The following TFEC variants were observed in gnomAD, a reference collection of about 807,000 sequenced individuals.
The protein encoded by TFEC is class E basic helix-loop-helix protein 34.
TFEC carries 31 observed loss-of-function variants against 41.6 expected under a neutral mutation model. The ratio of observed to expected loss-of-function variants is 0.74; its 90% CI spans 0.56 to 1.01. TFEC has a LOEUF of 1.01. TFEC is among the 50% of genes least tolerant of loss of function. The pLI is 0.00. For missense variants in TFEC, 402 were observed against 404.1 expected (o/e 0.99, Z 0.04); for synonymous variants, 143 against 140.6 (o/e 1.02, Z -0.12).
rs565333422 is a variant in TFEC, at chr7:116,052,717, G to A, written c.198+57991C>T. Among the ~76,000 whole-genome samples the A allele has an allele frequency of 3.3e-5, 5 of 150,292 alleles. No homozygotes were observed. The South Asian group carries it at 6.6e-4, about 20-fold the overall frequency. On this transcript the variant is annotated intron_variant, in intron 3 of 8. Coordinates refer to the TFEC transcript ENST00000484212. ...GCTGGGATTACAGGCATGAGCCACC[G>A]TGCCCAGCAACATCTAAGTATTTAA... is the stretch of plus-strand genomic sequence containing the variant.
intron 3 of TFEC, among the ~76,000 whole-genome samples, chr7:116,087,113 G>A (rs1017061806): frequency 6.6e-6 from 1 of 151,920 alleles, no homozygotes; most frequent in South Asian, 2.1e-4. Flanking sequence ...TAGAGATCAG[G>A]GGAGGGACAA....
intron 1 of TFEC, among the ~76,000 whole-genome samples, chr7:115,989,680 C>T (rs1228324606): frequency 1.3e-5 from 2 of 152,306 alleles, no homozygotes; most frequent in Middle Eastern, 3.4e-3. Context: ...TGGGGAGGGC[C>T]GTCCACCATT....
chr7:116,158,796 A>G (rs1324436385), intron 1 of TFEC, among the ~76,000 whole-genome samples: 1 of 152,104 alleles, frequency 6.6e-6, no homozygotes, highest in Non-Finnish European at 1.5e-5. Flanking sequence ...GTAGTATTTC[A>G]CAAATCCTAA....
chr7:115,967,574 T>A, intron 3 of TFEC, among the ~76,000 whole-genome samples: 1 of 151,944 alleles, frequency 6.6e-6, no homozygotes, highest in East Asian at 1.9e-4. Context: ...TCTTTGCTAC[T>A]AAAGCAGAGG....
At chr7:116,150,267 C>T (rs552780847) in intron 1 of TFEC, among the ~76,000 whole-genome samples, 4 of 152,234 alleles carry the variant, frequency 2.6e-5, no homozygotes, top group African/African-American at 9.6e-5. Context: ...TCTGTTTAAG[C>T]TCCTCTTCTT....
intron 1 of TFEC, among the ~76,000 whole-genome samples, chr7:116,132,188 T>C (rs1798346249): frequency 6.6e-6 from 1 of 152,208 alleles, no homozygotes; most frequent in African/African-American, 2.4e-5. Flanking sequence ...TGCATAAAGT[T>C]GGCCTATAAG....
chr7:116,099,248 C>T (rs948744367), intron 3 of TFEC, among the ~76,000 whole-genome samples: 7 of 152,188 alleles, frequency 4.6e-5, no homozygotes, highest in African/African-American at 1.4e-4. Flanking sequence ...ACATTTTCTA[C>T]ACAGTTCTCT....
rs569366372 is a variant in TFEC at position 116,024,076 on chromosome 7, C to T, written c.-73+6557G>A. Among the ~76,000 whole-genome samples, 10 of 152,240 alleles carry T rather than the reference C, an allele frequency of 6.6e-5. No homozygotes were observed. In the South Asian group the frequency reaches 1.7e-3, roughly 25 times the overall value. On this transcript the variant is annotated intron_variant, in intron 1 of 7. Transcript: ENST00000265440. ...GTCACTGGTTATCCATCTACTGCTT[C>T]GACATTAATGAGTCCCTTCACTTTG...
At chr7:116,099,887 T>C (rs1222911024) in intron 3 of TFEC, among the ~76,000 whole-genome samples, 1 of 152,180 alleles carries the variant, frequency 6.6e-6, no homozygotes, top group African/African-American at 2.4e-5. Flanking sequence ...AATTGTGTAG[T>C]TGAGTGCTTT....
At chr7:116,135,702 C>T (rs1446670622) in intron 1 of TFEC, among the ~76,000 whole-genome samples, 1 of 152,202 alleles carries the variant, frequency 6.6e-6, no homozygotes, top group Non-Finnish European at 1.5e-5. Flanking sequence ...ATCTTCTTTG[C>T]TCCTTTCTGC....
At chr7:116,154,055 C>G (rs1798819113) in intron 1 of TFEC, among the ~76,000 whole-genome samples, 1 of 152,204 alleles carries the variant, frequency 6.6e-6, no homozygotes, top group African/African-American at 2.4e-5. Context: ...GTAAAGTACA[C>G]AGGGCCAGCT....
intron 2 of TFEC, among the ~76,000 whole-genome samples, chr7:115,978,885 A>C (rs549888762): frequency 6.6e-6 from 1 of 152,224 alleles, no homozygotes; most frequent in South Asian, 2.1e-4. Context: ...TCATCTTCAA[A>C]AGAGTATCTT....
chr7:116,103,464 T>C (rs907478314), intron 3 of TFEC, among the ~76,000 whole-genome samples: 1 of 152,156 alleles, frequency 6.6e-6, no homozygotes, highest in Admixed American at 6.5e-5. Context: ...GAAAGATGGG[T>C]AGCTGTTCAA....
intron 3 of TFEC, among the ~76,000 whole-genome samples, chr7:116,084,292 T>A (rs1380855804): frequency 6.6e-6 from 1 of 151,890 alleles, no homozygotes; most frequent in Middle Eastern, 3.2e-3. Context: ...TAAGGTTTTA[T>A]TCGAATTTAT....
Position 115,950,795 on chromosome 7 carries a change from T to C in TFEC, c.515+79A>G, listed in dbSNP as rs1791893311. On this transcript the variant is annotated intron_variant, in intron 6 of 7. Transcript: ENST00000265440. ...TGCTTAGTTTCCTAGTCATTGGTTC[T>C]CTCCTCCCTTCTTCCCTCCCATTCA... The C allele has an allele frequency of 2.7e-6, 3 of 1,100,548 alleles. No homozygotes were observed. The South Asian group carries it at 4.7e-5, about 17-fold the overall frequency. The allele number at this position is 1,100,548 out of a possible 1,614,324, so 68.2% of individuals were successfully genotyped here.
chr7:115,998,548 T>TAA (rs200421094), intron 1 of TFEC, among the ~76,000 whole-genome samples: 1 of 147,942 alleles, frequency 6.8e-6, no homozygotes, highest in Non-Finnish European at 1.5e-5. Flanking sequence ...AATGGATAAG[T>TAA]AAAAAAAAAC....
intron 1 of TFEC, among the ~76,000 whole-genome samples, chr7:116,010,559 C>T (rs992235706): frequency 3.3e-5 from 5 of 152,106 alleles, no homozygotes; most frequent in African/African-American, 9.7e-5. Flanking sequence ...AAATAGGTAG[C>T]TAGACGTATG....
At chr7:116,087,559 A>G (rs1282910695) in intron 3 of TFEC, among the ~76,000 whole-genome samples, 1 of 152,056 alleles carries the variant, frequency 6.6e-6, no homozygotes, top group East Asian at 1.9e-4. Context: ...TCACAAACTG[A>G]ACTTCAAATA....
intron 3 of TFEC, among the ~76,000 whole-genome samples, chr7:116,040,361 G>A (rs1236742868): frequency 6.6e-6 from 1 of 152,026 alleles, no homozygotes; most frequent in Non-Finnish European, 1.5e-5. Context: ...ACTAGAAAGT[G>A]ATATATTAAC....
Sources: gnomAD v4.1 joint callset for allele counts (sites outside exome capture counted in the v4.1 genomes callset) on GRCh38, gnomAD v4.1.1 for gene constraint, MANE v1.5 for transcripts, NCBI Gene and HGNC (gene_info 2026-07-23, HGNC 2026-07-21) for gene names.